ANKFN1: variants seen among roughly 807,000 people sequenced by gnomAD.
ANKFN1 encodes ankyrin repeat and fibronectin type-III domain-containing protein 1.
ANKFN1 carries 74 observed loss-of-function variants against 108.7 expected under a neutral mutation model. The observed-to-expected ratio is 0.68, with a 90% CI of 0.56 to 0.83. ANKFN1 has a LOEUF of 0.83. Among genes scored for constraint, ANKFN1 ranks in the 40% least tolerant of loss-of-function variants. The pLI is 0.00. For synonymous variants in ANKFN1, 547 were observed against 516.2 expected (o/e 1.06, Z -0.81); for missense variants, 1,505 against 1,382.3 (o/e 1.09, Z -1.41).
chr17:56,124,382 C>T (rs377534739), intron 4 of ANKFN1, among the ~76,000 whole-genome samples: 22 of 152,276 alleles, frequency 1.4e-4, no homozygotes, highest in East Asian at 3.9e-4. Flanking sequence ...TTCTGTTATA[C>T]GCCACTGTAG....
At chr17:56,077,376 T>C (rs889185245) in intron 4 of ANKFN1, among the ~76,000 whole-genome samples, 3 of 152,192 alleles carry the variant, frequency 2.0e-5, no homozygotes, top group African/African-American at 7.2e-5. Flanking sequence ...AGCCAAAATA[T>C]GTCCACCATC....
At chr17:56,342,955 A>G (rs1474755583) in intron 4 of ANKFN1, among the ~76,000 whole-genome samples, 1 of 152,038 alleles carries the variant, frequency 6.6e-6, no homozygotes, top group Non-Finnish European at 1.5e-5. Flanking sequence ...AACTTGCTTT[A>G]TGAATCTGAG....
chr17:56,327,729 T>C (rs1294291097), intron 4 of ANKFN1, among the ~76,000 whole-genome samples: 1 of 152,230 alleles, frequency 6.6e-6, no homozygotes, highest in East Asian at 1.9e-4. Flanking sequence ...GGAAATTTCC[T>C]TAGCCTCTGT....
intron 4 of ANKFN1, among the ~76,000 whole-genome samples, chr17:56,067,456 A>T (rs111718055): frequency 3.9e-5 from 6 of 152,126 alleles, no homozygotes; most frequent in African/African-American, 1.4e-4. Flanking sequence ...TCTCACTCCC[A>T]TACATGAAGC....
At chr17:56,213,692 C>T (rs1034992911) in intron 2 of ANKFN1, among the ~76,000 whole-genome samples, 2 of 152,182 alleles carry the variant, frequency 1.3e-5, no homozygotes, top group Admixed American at 1.3e-4. Flanking sequence ...TGGGGGAAGA[C>T]TAATATGATC....
chr17:56,507,967 T>C (rs924012341), intron 20 of ANKFN1, among the ~76,000 whole-genome samples: 4 of 152,240 alleles, frequency 2.6e-5, no homozygotes, highest in Non-Finnish European at 4.4e-5. Flanking sequence ...TTCTGACTTA[T>C]TGTCTAACCC....
chr17:56,352,551 A>G (rs1479565760), intron 5 of ANKFN1, among the ~76,000 whole-genome samples: 1 of 152,214 alleles, frequency 6.6e-6, no homozygotes, highest in African/African-American at 2.4e-5. Context: ...AGAAATATGT[A>G]CCTAAAAGAA....
chr17:56,271,321 T>C (rs2144181442), intron 3 of ANKFN1, among the ~76,000 whole-genome samples: 1 of 152,294 alleles, frequency 6.6e-6, no homozygotes, highest in Admixed American at 6.5e-5. Context: ...GTTATTTCTG[T>C]TGGCCGCCAC....
At chr17:56,221,677 A>G (rs956549687) in intron 2 of ANKFN1, among the ~76,000 whole-genome samples, 5 of 152,246 alleles carry the variant, frequency 3.3e-5, no homozygotes, top group Non-Finnish European at 7.3e-5. Flanking sequence ...CTCTCCCAGC[A>G]TTCTGCAGAT....
chr17:56,110,629 G>T (rs1464978129), intron 4 of ANKFN1, among the ~76,000 whole-genome samples: 1 of 152,184 alleles, frequency 6.6e-6, no homozygotes, highest in African/African-American at 2.4e-5. Flanking sequence ...CAAAGTGAAT[G>T]AATGAATGAA....
intron 4 of ANKFN1, among the ~76,000 whole-genome samples, chr17:56,117,357 T>C (rs183888104): frequency 6.6e-5 from 10 of 152,302 alleles, no homozygotes; most frequent in Admixed American, 5.9e-4. Context: ...ACTATTCTTA[T>C]CTAATGGATG....
chr17:56,312,188 C>T (rs1015645846), intron 3 of ANKFN1, among the ~76,000 whole-genome samples: 1 of 152,144 alleles, frequency 6.6e-6, no homozygotes, highest in African/African-American at 2.4e-5. Context: ...TGATAGTAGA[C>T]CTGTGTTCTG....
At chr17:56,169,455 A>G (rs1910451736) in intron 1 of ANKFN1, among the ~76,000 whole-genome samples, 1 of 152,128 alleles carries the variant, frequency 6.6e-6, no homozygotes, top group Non-Finnish European at 1.5e-5. Flanking sequence ...TGTTTTATTG[A>G]GACAAAGTCT....
chr17:56,320,680 G>T (rs1269385653), intron 3 of ANKFN1, among the ~76,000 whole-genome samples: 1 of 152,268 alleles, frequency 6.6e-6, no homozygotes, highest in African/African-American at 2.4e-5. Flanking sequence ...CATGGACTCC[G>T]ATTATCACGT....
intron 1 of ANKFN1, among the ~76,000 whole-genome samples, chr17:56,159,217 T>C (rs1909411788): frequency 6.6e-6 from 1 of 152,112 alleles, no homozygotes; most frequent in African/African-American, 2.4e-5. Context: ...ATCCAGAAAA[T>C]GATATTCCAT....
rs2051848482 is a variant in ANKFN1, at chr17:56,514,087, A to G, written c.*2818A>G. The stretch of plus-strand genomic sequence containing the variant: ...TTTTGTTTTGTTTAATTTTGGATAC[A>G]ATGGATTTTTGTCTTTCACTCTTTT... On this transcript the variant is annotated 3_prime_UTR_variant, in exon 21 of 21. Coordinates refer to ENST00000682825, the MANE Select transcript of ANKFN1 (RefSeq NM_001370326.1). 6.6e-6 allele frequency among the ~76,000 whole-genome samples: 1 copy of G among 152,148 alleles called. No homozygotes were observed. The highest frequency in any genetic ancestry group is 1.5e-5 in the Non-Finnish European group (1 of 68,020).
At chr17:56,071,976 A>T (rs1255944834) in intron 4 of ANKFN1, among the ~76,000 whole-genome samples, 1 of 152,196 alleles carries the variant, frequency 6.6e-6, no homozygotes, top group African/African-American at 2.4e-5. Context: ...GAGACCAGGG[A>T]TTTGTGAATT....
intron 8 of ANKFN1, among the ~76,000 whole-genome samples, chr17:56,389,858 T>A (rs1161759393): frequency 6.6e-6 from 1 of 152,108 alleles, no homozygotes. Flanking sequence ...CCTGCTACAT[T>A]ACACAAGCAT....
At chr17:56,227,190 A>C (rs1469350657) in intron 2 of ANKFN1, among the ~76,000 whole-genome samples, 3 of 152,116 alleles carry the variant, frequency 2.0e-5, no homozygotes, top group African/African-American at 4.8e-5. Flanking sequence ...TACACTAAAA[A>C]GTACCCCTTT....
Sources: gnomAD v4.1 joint callset for allele counts (sites outside exome capture counted in the v4.1 genomes callset) on GRCh38, gnomAD v4.1.1 for gene constraint, MANE v1.5 for transcripts, NCBI Gene and HGNC (gene_info 2026-07-23, HGNC 2026-07-21) for gene names.